CDH7: variants seen among roughly 807,000 people sequenced by gnomAD.
CDH7 encodes the protein cadherin 7, also known as cadherin-7.
In CDH7, 25 loss-of-function variants were observed where a neutral mutation model predicts 71.8. The observed-to-expected ratio is 0.35, with a 90% CI of 0.25 to 0.49. The LOEUF is 0.49. CDH7 is among the 20% of genes least tolerant of loss of function. The probability of loss-of-function intolerance (pLI) is 0.99; values close to 1 mark genes in which losing one functional copy is unlikely to be tolerated. For missense variants in CDH7, 862 were observed against 974.6 expected (o/e 0.88, Z 1.54); for synonymous variants, 381 against 363.8 (o/e 1.05, Z -0.54).
At chr18:65,794,563 G>A (rs1181218691) in intron 2 of CDH7, among the ~76,000 whole-genome samples, 1 of 151,848 alleles carries the variant, frequency 6.6e-6, no homozygotes, top group Non-Finnish European at 1.5e-5. Flanking sequence ...ACCAGTTGGG[G>A]GTCGGGAGCA....
intron 1 of CDH7, among the ~76,000 whole-genome samples, chr18:65,758,111 T>C (rs1916084284): frequency 6.6e-6 from 1 of 152,218 alleles, no homozygotes; most frequent in Non-Finnish European, 1.5e-5. Flanking sequence ...TCTTTCTACA[T>C]GTTGATATTT....
intron 2 of CDH7, among the ~76,000 whole-genome samples, chr18:65,792,192 T>C (rs934729235): frequency 1.9e-4 from 14 of 73,454 alleles, no homozygotes; most frequent in Non-Finnish European, 3.5e-4. Flanking sequence ...AGTCTTTTTT[T>C]TTTTTTTTTT....
chr18:65,838,775 A>G (rs1050142443), intron 6 of CDH7, among the ~76,000 whole-genome samples: 4 of 152,234 alleles, frequency 2.6e-5, no homozygotes, highest in African/African-American at 9.6e-5. Flanking sequence ...ACAAATGGCA[A>G]GGGAAATTTT....
chr18:65,880,883 T>C lies in CDH7; in HGVS notation c.2347T>C (p.Leu783=), dbSNP rs764757625. Reference sequence around the variant, plus strand: ...CATGTATGGGACTGGCCAAGAGAGTTTGTACTCATAGCCTTGGAACCTTAA... The same window carrying C: ...CATGTATGGGACTGGCCAAGAGAGTCTGTACTCATAGCCTTGGAACCTTAA... ...ADMYGTGQES[L]YS Residue 783 remains leucine, a synonymous_variant, in exon 12 of 12, where the codon TTG becomes CTG. Coordinates refer to ENST00000397968, the MANE Select transcript of CDH7 (RefSeq NM_004361.5). 6.2e-7 allele frequency: 1 copy of C among 1,603,868 alleles called. No individual in the cohort carries two copies. Among genetic ancestry groups the C allele is most frequent in the Non-Finnish European group, 8.5e-7 (1 of 1,175,120 alleles).
At chr18:65,856,080 C>A (rs1163250107) in intron 7 of CDH7, among the ~76,000 whole-genome samples, 3 of 152,034 alleles carry the variant, frequency 2.0e-5, no homozygotes, top group African/African-American at 7.2e-5. Flanking sequence ...TTTGGCAGCA[C>A]CAACTCACCA....
In CDH7 at chr18:65,888,189, A is replaced by G. The variant is rs1914420672; in HGVS notation, c.*7295A>G. 2 of 152,330 alleles carry G rather than the reference A, an allele frequency of 1.3e-5. No individual in the cohort carries two copies. Among genetic ancestry groups the G allele is most frequent in the South Asian group, 2.1e-4 (1 of 4,830 alleles). The allele number at this position is 152,330 out of a possible 1,614,324, so 9.4% of individuals were successfully genotyped here. ...AGTATTGGAGATGTTTAAAACAAAT[A>G]TAAGAAAGAGTACTGTTTCAGAACT... On this transcript the variant is annotated 3_prime_UTR_variant, in exon 12 of 12. Coordinates refer to ENST00000397968, the MANE Select transcript of CDH7 (RefSeq NM_004361.5).
At chr18:65,869,731 T>C (rs1373170183) in intron 11 of CDH7, among the ~76,000 whole-genome samples, 1 of 151,986 alleles carries the variant, frequency 6.6e-6, no homozygotes, top group Non-Finnish European at 1.5e-5. Context: ...AGACTGCTTT[T>C]AGAGGCAAGG....
intron 2 of CDH7, among the ~76,000 whole-genome samples, chr18:65,794,604 A>C (rs1032358166): frequency 2.0e-5 from 3 of 151,902 alleles, no homozygotes; most frequent in Non-Finnish European, 4.4e-5. Context: ...AAAAAAAAAA[A>C]ACCTGAAAAT....
In CDH7 at chr18:65,862,870, G is replaced by A. The variant is rs1454779005; in HGVS notation, c.1817G>A (p.Ser606Asn). The A allele has an allele frequency of 1.2e-6, 2 of 1,614,064 alleles. No individual in the cohort carries two copies. The highest frequency in any genetic ancestry group is 2.7e-5 in the African/African-American group (2 of 74,924). The change falls in exon 11 of 12, where the codon AGT becomes AAT. Residue 606 changes from serine (S) to asparagine (N), a missense_variant. By Grantham distance (46) the Ser-to-Asn change is conservative. Transcript: ENST00000397968. Reference protein sequence around the residue: ...AEAYVLPAGLSTGALIAILAC... With the variant: ...AEAYVLPAGLNTGALIAILAC... Reference sequence around the variant, plus strand: ...GCCTATGTCCTACCTGCTGGCCTCAGTACAGGAGCCCTGATAGCCATACTC... The same window carrying A: ...GCCTATGTCCTACCTGCTGGCCTCAATACAGGAGCCCTGATAGCCATACTC...
intron 11 of CDH7, among the ~76,000 whole-genome samples, chr18:65,872,744 A>G (rs1159011395): frequency 6.6e-6 from 1 of 152,010 alleles, no homozygotes; most frequent in East Asian, 1.9e-4. Context: ...AAAATAAAAC[A>G]ATTAGCTAGG....
chr18:65,862,815 G>A lies in CDH7; in HGVS notation c.1762G>A (p.Asp588Asn). ...LTIRVCDCDA[D>N]GVAQTCNAEA... ...CATCCGCGTGTGTGACTGTGATGCT[G>A]ACGGCGTAGCCCAGACCTGCAATGC... The change falls in exon 11 of 12, where the codon GAC (aspartate) becomes AAC (asparagine). Residue 588 changes from aspartate to asparagine, a missense_variant. Coordinates refer to ENST00000397968, the MANE Select transcript of CDH7 (RefSeq NM_004361.5). 6.2e-7 allele frequency: 1 copy of A among 1,614,184 alleles called. No homozygotes were observed. Among genetic ancestry groups the A allele is most frequent in the Non-Finnish European group, 8.5e-7 (1 of 1,180,018 alleles).
At chr18:65,860,134 C>T (rs1379135007) in intron 10 of CDH7, among the ~76,000 whole-genome samples, 2 of 152,006 alleles carry the variant, frequency 1.3e-5, no homozygotes, top group East Asian at 1.9e-4. Context: ...AGTTGATGGT[C>T]AACTAAATAC....
At chr18:65,843,583 C>T (rs762574561) in intron 6 of CDH7, among the ~76,000 whole-genome samples, 4 of 152,102 alleles carry the variant, frequency 2.6e-5, no homozygotes, top group Non-Finnish European at 5.9e-5. Context: ...GTCTGTGCAG[C>T]GTATAGCAGC....
intron 6 of CDH7, among the ~76,000 whole-genome samples, chr18:65,837,671 A>C (rs1912578622): frequency 6.6e-6 from 1 of 152,242 alleles, no homozygotes; most frequent in Non-Finnish European, 1.5e-5. Context: ...GCCTAAAATT[A>C]GAAAGAAACC....
intron 6 of CDH7, among the ~76,000 whole-genome samples, chr18:65,830,958 A>G (rs142943993): frequency 1.3e-3 from 200 of 152,086 alleles, no homozygotes; most frequent in African/African-American, 4.7e-3. Context: ...TCATTTTTAA[A>G]TACATCTTTT....
intron 6 of CDH7, among the ~76,000 whole-genome samples, chr18:65,831,062 A>G (rs1912333336): frequency 6.6e-6 from 1 of 152,212 alleles, no homozygotes; most frequent in Non-Finnish European, 1.5e-5. Flanking sequence ...ATAAGACAGA[A>G]TAATACCAGC....
At chr18:65,826,540 A>T (rs1197931449) in intron 6 of CDH7, among the ~76,000 whole-genome samples, 1 of 83,748 alleles carries the variant, frequency 1.2e-5, no homozygotes, top group African/African-American at 3.3e-5. Context: ...AAAAGGCAGT[A>T]TCCAAACTTT....
chr18:65,798,567 A>G (rs1166496515), intron 2 of CDH7, among the ~76,000 whole-genome samples: 1 of 152,240 alleles, frequency 6.6e-6, no homozygotes, highest in Admixed American at 6.5e-5. Context: ...CATTCTTGGA[A>G]TAAACACTTG....
At chr18:65,871,049 G>C (rs1913911531) in intron 11 of CDH7, among the ~76,000 whole-genome samples, 1 of 152,128 alleles carries the variant, frequency 6.6e-6, no homozygotes, top group Non-Finnish European at 1.5e-5. Flanking sequence ...CAGTTAGATA[G>C]AATAGAGTAG....
Sources: gnomAD v4.1 joint callset for allele counts (sites outside exome capture counted in the v4.1 genomes callset) on GRCh38, gnomAD v4.1.1 for gene constraint, MANE v1.5 for transcripts, NCBI Gene and HGNC (gene_info 2026-07-23, HGNC 2026-07-21) for gene names.